The following TCERG1L variants were observed in gnomAD, a reference collection of about 807,000 sequenced individuals.
TCERG1L encodes transcription elongation regulator 1 like, also known as transcription elongation regulator 1-like protein.
Under a neutral mutation model 56.3 loss-of-function variants are expected in TCERG1L, and 37 were observed. The observed-to-expected ratio is 0.66, with a 90% CI of 0.51 to 0.87. The LOEUF is 0.87. Among genes scored for constraint, TCERG1L ranks in the 40% least tolerant of loss-of-function variants. TCERG1L has a pLI of 0.00. For missense variants in TCERG1L, 799 were observed against 774.2 expected (o/e 1.03, Z -0.38); for synonymous variants, 324 against 326.3 (o/e 0.99, Z 0.08).
chr10:131,252,299 C>T (rs545613002), intron 4 of TCERG1L, among the ~76,000 whole-genome samples: 25 of 152,240 alleles, frequency 1.6e-4, no homozygotes, highest in Non-Finnish European at 2.9e-4. Context: ...TGAGGACCTG[C>T]CACACGGTTG....
chr10:131,201,851 C>T (rs1202870396), intron 4 of TCERG1L, among the ~76,000 whole-genome samples: 1 of 152,128 alleles, frequency 6.6e-6, no homozygotes, highest in African/African-American at 2.4e-5. Context: ...GCTCTTTTAC[C>T]CCACGTCCAC....
At chr10:131,264,887 C>G (rs560468435) in intron 3 of TCERG1L, among the ~76,000 whole-genome samples, 3 of 152,330 alleles carry the variant, frequency 2.0e-5, no homozygotes, top group African/African-American at 7.2e-5. Flanking sequence ...GGCTCCCTGA[C>G]AGCGTGAGGG....
intron 4 of TCERG1L, among the ~76,000 whole-genome samples, chr10:131,219,878 T>A (rs1845712390): frequency 6.6e-6 from 1 of 152,210 alleles, no homozygotes; most frequent in South Asian, 2.1e-4. Flanking sequence ...GAGGCTGTAG[T>A]GGAAAGAGGC....
At chr10:131,246,003 C>A (rs571995097) in intron 4 of TCERG1L, among the ~76,000 whole-genome samples, 1 of 152,152 alleles carries the variant, frequency 6.6e-6, no homozygotes, top group African/African-American at 2.4e-5. Context: ...CCGAGAGCCC[C>A]CCAAGTGTCG....
At chr10:131,109,932 C>T (rs927161470) in intron 9 of TCERG1L, among the ~76,000 whole-genome samples, 12 of 152,228 alleles carry the variant, frequency 7.9e-5, no homozygotes, top group African/African-American at 2.4e-4. Context: ...TTTCCAAACT[C>T]GGCAGATGCC....
intron 7 of TCERG1L, among the ~76,000 whole-genome samples, chr10:131,137,279 G>A (rs1845686438): frequency 1.3e-5 from 2 of 152,166 alleles, no homozygotes; most frequent in Admixed American, 1.3e-4. Context: ...CTCCCGCTGG[G>A]GCGCTGGGTC....
At position 131,309,100 on chromosome 10, in the gene TCERG1L, G is replaced by C. The variant is rs556015887; in HGVS notation, c.489+53C>G. 6 of 1,567,384 alleles carry C rather than the reference G, an allele frequency of 3.8e-6. No individual in the cohort carries two copies. In the East Asian group the frequency reaches 1.4e-4, roughly 37 times the overall value. ...TATTTTTGTTGTTATGTCGATGTTC[G>C]ACAACTTAATCATTAAAAGCCCCTT... On this transcript the variant is annotated intron_variant, in intron 2 of 11. Coordinates refer to ENST00000368642, the MANE Select transcript of TCERG1L (RefSeq NM_174937.4).
At chr10:131,262,502 T>C (rs1041797241) in intron 3 of TCERG1L, among the ~76,000 whole-genome samples, 15 of 152,196 alleles carry the variant, frequency 9.9e-5, no homozygotes, top group African/African-American at 3.4e-4. Flanking sequence ...AAATTAAATA[T>C]AATTTGTTAT....
intron 3 of TCERG1L, among the ~76,000 whole-genome samples, chr10:131,307,427 A>AC (rs1426237032): frequency 1.3e-5 from 2 of 152,224 alleles, no homozygotes; most frequent in African/African-American, 4.8e-5. Flanking sequence ...TTTTAGAGAC[A>AC]CATATTGAGA....
At chr10:131,129,146 G>C (rs555492790) in intron 8 of TCERG1L, among the ~76,000 whole-genome samples, 2 of 152,166 alleles carry the variant, frequency 1.3e-5, no homozygotes, top group African/African-American at 4.8e-5. Context: ...GCTTAGGAGA[G>C]AGAAGCAGAG....
intron 3 of TCERG1L, among the ~76,000 whole-genome samples, chr10:131,307,150 C>T (rs1028932335): frequency 6.6e-6 from 1 of 152,184 alleles, no homozygotes; most frequent in Non-Finnish European, 1.5e-5. Flanking sequence ...GAAACATGAT[C>T]ATCTTAGTGT....
chr10:131,198,332 C>T (rs114619560), intron 4 of TCERG1L, among the ~76,000 whole-genome samples: 7,245 of 152,322 alleles, frequency 0.048, 181 homozygotes, highest in Middle Eastern at 0.068. Context: ...TGGCTCTTCA[C>T]GCTTCAAACC....
chr10:131,259,043 C>G (rs1846205733), intron 4 of TCERG1L, among the ~76,000 whole-genome samples: 1 of 152,170 alleles, frequency 6.6e-6, no homozygotes, highest in Admixed American at 6.6e-5. Flanking sequence ...TGTTCACTGA[C>G]ATGCTGACAT....
rs996690327 is a variant in TCERG1L at position 131,118,552 on chromosome 10, G to A, written c.1260-1618C>T. On this transcript the variant is annotated intron_variant, in intron 8 of 11. Transcript: ENST00000368642. The surrounding 1 kb of genome is among the most constrained non-coding windows in gnomAD (Gnocchi z 4.2). Reference sequence around the variant, plus strand: ...ACCCTTCCCTTAATCTGCTCACCGGGACACCTTACCAGATTTCTCATCCTC... The same window carrying A: ...ACCCTTCCCTTAATCTGCTCACCGGAACACCTTACCAGATTTCTCATCCTC... 9.2e-5 allele frequency among the ~76,000 whole-genome samples: 14 copies of A among 152,108 alleles called. No individual in the cohort carries two copies. Among genetic ancestry groups the A allele is most frequent in the Admixed American group, 8.5e-4 (13 of 15,288 alleles).
intron 4 of TCERG1L, among the ~76,000 whole-genome samples, chr10:131,168,300 C>T (rs1846053055): frequency 6.6e-6 from 1 of 152,188 alleles, no homozygotes; most frequent in African/African-American, 2.4e-5. Flanking sequence ...GCCTTTCTTC[C>T]TTGCCCCACT....
intron 4 of TCERG1L, among the ~76,000 whole-genome samples, chr10:131,187,760 G>T (rs181274023): frequency 6.6e-6 from 1 of 152,176 alleles, no homozygotes; most frequent in Non-Finnish European, 1.5e-5. Flanking sequence ...TGTTCGCCTG[G>T]AGAGCTTTCA....
At chr10:131,186,940 A>C (rs2133458379) in intron 4 of TCERG1L, among the ~76,000 whole-genome samples, 1 of 152,372 alleles carries the variant, frequency 6.6e-6, no homozygotes, top group South Asian at 2.1e-4. Flanking sequence ...AGCTTTGAAA[A>C]GTCAGAAGCT....
At chr10:131,211,715 C>T (rs1387672563) in intron 4 of TCERG1L, among the ~76,000 whole-genome samples, 2 of 152,136 alleles carry the variant, frequency 1.3e-5, no homozygotes, top group Admixed American at 6.5e-5. Context: ...AGGAAAGAAG[C>T]GGCTGGGCGG....
chr10:131,265,269 A>T (rs921855754), intron 3 of TCERG1L, among the ~76,000 whole-genome samples: 2 of 152,202 alleles, frequency 1.3e-5, no homozygotes, highest in African/African-American at 4.8e-5. Context: ...ATAAATAAGG[A>T]AACTTTCTTA....
Sources: gnomAD v4.1 joint callset for allele counts (sites outside exome capture counted in the v4.1 genomes callset) on GRCh38, gnomAD v4.1.1 for gene constraint, Gnocchi (gnomAD v3.1) non-coding constraint, MANE v1.5 for transcripts, NCBI Gene and HGNC (gene_info 2026-07-23, HGNC 2026-07-21) for gene names.